The following ROBO2 variants were observed in gnomAD, a reference collection of about 807,000 sequenced individuals.
ROBO2 encodes the protein roundabout homolog 2.
In ROBO2, 53 loss-of-function variants were observed where a neutral mutation model predicts 160.8. The observed-to-expected ratio is 0.33, with a 90% CI of 0.26 to 0.41. ROBO2 has a LOEUF of 0.41. ROBO2 is among the 10% of genes least tolerant of loss of function. ROBO2 has a pLI of 1.00. For missense variants in ROBO2, 1,577 were observed against 1,722.4 expected, an observed-to-expected ratio of 0.92 and a Z score of 1.49; for synonymous variants, 664 against 611.7, an observed-to-expected ratio of 1.09 and a Z score of -1.26.
chr3:77,622,241 A>C lies in ROBO2; in HGVS notation c.3569A>C (p.Asn1190Thr), dbSNP rs372770363. The C allele has an allele frequency of 1.6e-5, 26 of 1,614,020 alleles. No individual in the cohort carries two copies. The highest frequency in any genetic ancestry group is 2.1e-5 in the Non-Finnish European group (25 of 1,180,008). Residue 1190 changes from asparagine (N) to threonine (T), a missense_variant, in exon 23 of 26, where the codon AAT (asparagine) becomes ACT (threonine). Asn to Thr is a moderately conservative substitution (Grantham distance 65, BLOSUM62 0). Transcript: ENST00000461745. ...TTGAATTCTAGGCACATTCAAAGCA[A>C]TAATCAACCTCCACAGCCTCCAGTT... is the stretch of plus-strand genomic sequence containing the variant.
intron 2 of ROBO2, among the ~76,000 whole-genome samples, chr3:76,346,866 G>A (rs1037824564): frequency 6.6e-6 from 1 of 152,038 alleles, no homozygotes; most frequent in Non-Finnish European, 1.5e-5. Context: ...CTCCCTGTGT[G>A]GCCTCCTGTT....
At chr3:76,327,443 A>T (rs933321182) in intron 2 of ROBO2, among the ~76,000 whole-genome samples, 2 of 152,204 alleles carry the variant, frequency 1.3e-5, no homozygotes, top group African/African-American at 4.8e-5. Context: ...TTCAAATTTG[A>T]TAATGACAGA....
chr3:76,042,632 A>G (rs2067307218), intron 2 of ROBO2, among the ~76,000 whole-genome samples: 2 of 152,056 alleles, frequency 1.3e-5, no homozygotes, highest in South Asian at 4.1e-4. Flanking sequence ...GAAATCAAAG[A>G]CAGGCAGCCC....
chr3:76,360,650 G>A (rs183599760), intron 2 of ROBO2, among the ~76,000 whole-genome samples: 4 of 152,098 alleles, frequency 2.6e-5, no homozygotes, highest in African/African-American at 9.6e-5. Context: ...CAATTAAAAC[G>A]CTCACCTTGT....
chr3:75,958,027 A>C (rs947903733), intron 2 of ROBO2, among the ~76,000 whole-genome samples: 2 of 151,778 alleles, frequency 1.3e-5, no homozygotes, highest in African/African-American at 4.8e-5. Flanking sequence ...ATACAAAAAA[A>C]CAGAAAAACA....
chr3:76,313,770 T>C (rs890621925), intron 2 of ROBO2, among the ~76,000 whole-genome samples: 1 of 152,158 alleles, frequency 6.6e-6, no homozygotes, highest in African/African-American at 2.4e-5. Context: ...GCACTCACAC[T>C]GCCTATGTGC....
chr3:76,573,328 A>C (rs993753605), intron 2 of ROBO2, among the ~76,000 whole-genome samples: 1 of 152,084 alleles, frequency 6.6e-6, no homozygotes, highest in Non-Finnish European at 1.5e-5. Context: ...AAGTATCTCA[A>C]AGTGCCCTTT....
chr3:77,476,368 A>ATG (rs60219148), intron 2 of ROBO2, among the ~76,000 whole-genome samples: 10,349 of 144,016 alleles, frequency 0.072, 367 homozygotes, highest in African/African-American at 0.096. Flanking sequence ...GTCTGTGGGT[A>ATG]TGTGTGTGTG....
intron 2 of ROBO2, among the ~76,000 whole-genome samples, chr3:76,905,559 C>T (rs2075546116): frequency 6.6e-6 from 1 of 152,096 alleles, no homozygotes; most frequent in Non-Finnish European, 1.5e-5. Context: ...ATGACCCAAA[C>T]CCACATTTTC....
At chr3:76,116,347 C>T (rs185943659) in intron 2 of ROBO2, among the ~76,000 whole-genome samples, 150 of 152,266 alleles carry the variant, frequency 9.9e-4, no homozygotes, top group Middle Eastern at 3.4e-3. Flanking sequence ...TATGGATATC[C>T]TTAACGGAAT....
chr3:76,258,363 CTG>C lies in ROBO2; in HGVS notation c.109+320763_109+320764del, dbSNP rs1341599060. On this transcript the variant is annotated intron_variant, in intron 2 of 26. Transcript: ENST00000487694. Reference sequence around the variant, plus strand: ...TATCCAACTTTATATTAAAAGGTAACTGTTTTAAAGAAATTTCAGTTTCAGAA... The same window carrying C: ...TATCCAACTTTATATTAAAAGGTAACTTTTAAAGAAATTTCAGTTTCAGAA... 3.9e-5 allele frequency among the ~76,000 whole-genome samples: 6 copies of C among 151,954 alleles called. No individual in the cohort carries two copies. In the East Asian group the frequency reaches 5.8e-4, roughly 15 times the overall value.
chr3:77,478,252 A>G (rs1052613065), intron 3 of ROBO2, among the ~76,000 whole-genome samples: 2 of 152,252 alleles, frequency 1.3e-5, no homozygotes, highest in Non-Finnish European at 2.9e-5. Flanking sequence ...TTCAAAAATT[A>G]TAAGAGAAAT....
At chr3:77,522,779 G>A in exon 6 of ROBO2, 1 of 1,608,394 alleles carries the variant, frequency 6.2e-7, no homozygotes, top group Non-Finnish European at 8.5e-7. Flanking sequence ...ACACAGGTAT[G>A]ACATCAAAGA....
intron 2 of ROBO2, among the ~76,000 whole-genome samples, chr3:76,164,972 C>T (rs761903388): frequency 6.6e-6 from 1 of 152,140 alleles, no homozygotes; most frequent in Non-Finnish European, 1.5e-5. Flanking sequence ...TGTGTACTCA[C>T]GGAGCTGCAT....
intron 2 of ROBO2, among the ~76,000 whole-genome samples, chr3:76,567,660 C>CAT (rs2084650525): frequency 1.6e-5 from 1 of 64,062 alleles, no homozygotes; most frequent in Non-Finnish European, 3.9e-5. Flanking sequence ...TATACACATA[C>CAT]ACATATATAT....
chr3:76,965,785 G>GTATA (rs62885160), intron 2 of ROBO2, among the ~76,000 whole-genome samples: 2,805 of 129,162 alleles, frequency 0.022, 41 homozygotes, highest in Non-Finnish European at 0.028. Context: ...TTGTGTTTGT[G>GTATA]TATATATATA....
Position 76,185,215 on chromosome 3 carries a change from T to TATATATAC in ROBO2, c.109+247614_109+247615insTATATACA. 3.1e-3 allele frequency among the ~76,000 whole-genome samples: 284 copies of TATATATAC among 90,288 alleles called. 4 individuals are homozygous for TATATATAC. In the South Asian group the frequency reaches 0.035, roughly 11 times the overall value. 59.2% of individuals were successfully genotyped at this position (90,288 alleles called of 152,430 possible). ...ACACAGATATATATATATATATATA[T>TATATATAC]ACACACACAAAGATGTTATATATAC... On this transcript the variant is annotated intron_variant, in intron 2 of 26. Coordinates refer to the ROBO2 transcript ENST00000487694.
upstream of ROBO2, among the ~76,000 whole-genome samples, chr3:77,036,782 C>T (rs1271715212): frequency 2.6e-5 from 4 of 151,864 alleles, no homozygotes; most frequent in African/African-American, 4.8e-5. Context: ...TTTTCTGTAT[C>T]TTAAGCTCTC....
chr3:77,038,941 G>A (rs2063803617), upstream of ROBO2, among the ~76,000 whole-genome samples: 1 of 152,210 alleles, frequency 6.6e-6, no homozygotes, highest in Admixed American at 6.5e-5. Context: ...GCTGGTCCCT[G>A]GAGGGTAAAG....
Sources: allele counts gnomAD v4.1 joint callset (sites outside exome capture counted in the v4.1 genomes callset), GRCh38; gene constraint gnomAD v4.1.1; transcripts MANE v1.5; gene names NCBI Gene and HGNC (gene_info 2026-07-23, HGNC 2026-07-21).